Variants in ZNF777 observed in about 807,000 individuals in gnomAD.
ZNF777 encodes the protein zinc finger protein 777.
Under a neutral mutation model 72.1 loss-of-function variants are expected in ZNF777, and 7 were observed. That is an observed-to-expected ratio of 0.10 (90% CI 0.06 to 0.18). ZNF777 has a LOEUF of 0.18. Among genes scored for constraint, ZNF777 ranks in the 10% least tolerant of loss-of-function variants. The probability of loss-of-function intolerance (pLI) is 1.00; values close to 1 mark genes in which losing one functional copy is unlikely to be tolerated. For missense variants in ZNF777, 828 were observed against 1,128.6 expected (o/e 0.73, Z 3.82); for synonymous variants, 545 against 483.5 (o/e 1.13, Z -1.67).
chr7:149,458,296 C>T (rs1799871097), intron 1 of ZNF777, among the ~76,000 whole-genome samples: 1 of 152,204 alleles, frequency 6.6e-6, no homozygotes, highest in Admixed American at 6.5e-5. Context: ...TCTTCATTCC[C>T]TGTGAAGGAA....
At position 149,431,703 on chromosome 7, in the gene ZNF777, G is replaced by T; in HGVS notation, c.*73C>A. On this transcript the variant is annotated 3_prime_UTR_variant, in exon 6 of 6. Transcript: ENST00000247930. The stretch of plus-strand genomic sequence containing the variant: ...GGGGCGCCCCGCCCCCGCCCGCTGG[G>T]CTCGGGCCTGGCGGTGTCCGAGGGG... 1 of 1,177,300 alleles carries T rather than the reference G, an allele frequency of 8.5e-7. No homozygotes were observed. Among genetic ancestry groups the T allele is most frequent in the South Asian group, 1.7e-5 (1 of 58,200 alleles). 72.9% of individuals were successfully genotyped at this position (1,177,300 alleles called of 1,614,324 possible). A position where few individuals can be genotyped will look rare whatever the true frequency, so the allele number is the denominator to read the frequency against.
intron 3 of ZNF777, among the ~76,000 whole-genome samples, chr7:149,453,486 G>A (rs1168785993): frequency 6.6e-6 from 1 of 152,098 alleles, no homozygotes; most frequent in East Asian, 1.9e-4. Context: ...TGTAAGTAAA[G>A]TATATTTTTC....
chr7:149,436,514 C>T lies in ZNF777; in HGVS notation c.1339+61G>A. The stretch of plus-strand genomic sequence containing the variant: ...AAGGAACCACAGCTTTCCCAGGGGG[C>T]AGGGGCCCTCTGGGAGGCCTCATGG... On this transcript the variant is annotated intron_variant, in intron 5 of 5. Coordinates refer to ENST00000247930, the MANE Select transcript of ZNF777 (RefSeq NM_015694.3). This position sits in a 1 kb window ranked among gnomAD's most constrained non-coding sequence, Gnocchi z 5.0. The T allele has an allele frequency of 6.5e-7, 1 of 1,527,274 alleles. No homozygotes were observed. The highest frequency in any genetic ancestry group is 8.8e-7 in the Non-Finnish European group (1 of 1,137,298). The allele number at this position is 1,527,274 out of a possible 1,614,324, so 94.6% of individuals were successfully genotyped here.
intron 4 of ZNF777, among the ~76,000 whole-genome samples, chr7:149,439,032 T>G (rs1799464333): frequency 6.6e-6 from 1 of 152,242 alleles, no homozygotes; most frequent in East Asian, 1.9e-4. Flanking sequence ...CATCCATACC[T>G]CCATCCCCTA....
intron 4 of ZNF777, among the ~76,000 whole-genome samples, chr7:149,448,578 ACTATAT>A (rs1799655144): frequency 2.5e-5 from 1 of 39,964 alleles, no homozygotes; most frequent in Non-Finnish European, 4.3e-5. Context: ...TATACATATA[ACTATAT>A]ATATATATAT....
At chr7:149,437,298 A>T (rs1171294645) in intron 4 of ZNF777, among the ~76,000 whole-genome samples, 2 of 152,012 alleles carry the variant, frequency 1.3e-5, no homozygotes. Context: ...TTTTAAAGAG[A>T]TGCTCATTCC....
At chr7:149,450,369 T>G (rs10952813) in intron 4 of ZNF777, among the ~76,000 whole-genome samples, 19,154 of 152,154 alleles carry the variant, frequency 0.13, 1,452 homozygotes, top group South Asian at 0.32. Flanking sequence ...GGCCCTACGG[T>G]TAGATATTAG....
chr7:149,445,794 G>C (rs1020228684), intron 4 of ZNF777, among the ~76,000 whole-genome samples: 2 of 152,204 alleles, frequency 1.3e-5, no homozygotes, highest in African/African-American at 2.4e-5. Context: ...CTGCAGTAGG[G>C]ACTGAGGGAG....
intron 4 of ZNF777, among the ~76,000 whole-genome samples, chr7:149,442,750 A>G (rs1799545422): frequency 6.6e-6 from 1 of 152,248 alleles, no homozygotes; most frequent in Non-Finnish European, 1.5e-5. Context: ...ATCCAAAAGA[A>G]TAACAACAAA....
At chr7:149,452,935 C>T (rs1229043040) in intron 3 of ZNF777, among the ~76,000 whole-genome samples, 4 of 152,330 alleles carry the variant, frequency 2.6e-5, no homozygotes, top group African/African-American at 7.2e-5. Flanking sequence ...TAACAGTCAA[C>T]CTACTCTTCA....
At chr7:149,456,301 G>C (rs1176860529) in intron 1 of ZNF777, among the ~76,000 whole-genome samples, 1 of 152,222 alleles carries the variant, frequency 6.6e-6, no homozygotes, top group East Asian at 1.9e-4. Context: ...ACATTGCACG[G>C]GTACCTTACG....
Position 149,436,350 on chromosome 7 carries a change from C to T in ZNF777, c.1339+225G>A, listed in dbSNP as rs1250260227. On this transcript the variant is annotated intron_variant, in intron 5 of 5. Transcript: ENST00000247930. This position sits in a 1 kb window ranked among gnomAD's most constrained non-coding sequence, Gnocchi z 5.0. ...GAGCTCTGAGATCCCTTTGCCTGAA[C>T]CAGTCTTTAGATGTAACCACTTCTT... 6.6e-6 allele frequency among the ~76,000 whole-genome samples: 1 copy of T among 152,138 alleles called. No individual in the cohort carries two copies. Among genetic ancestry groups the T allele is most frequent in the Admixed American group, 6.5e-5 (1 of 15,272 alleles).
At chr7:149,446,985 TAGAAATACCCAACA>T (rs1458883388) in intron 4 of ZNF777, among the ~76,000 whole-genome samples, 1 of 152,222 alleles carries the variant, frequency 6.6e-6, no homozygotes, top group African/African-American at 2.4e-5. Flanking sequence ...CATCCTTCTC[TAGAAATACCCAACA>T]AGGCAGTATC....
At chr7:149,457,470 C>T (rs1364878103) in intron 1 of ZNF777, among the ~76,000 whole-genome samples, 1 of 152,130 alleles carries the variant, frequency 6.6e-6, no homozygotes, top group Non-Finnish European at 1.5e-5. Flanking sequence ...TGATAAATGC[C>T]GGCTGAAGAG....
chr7:149,433,490 G>C (rs1000121165), intron 5 of ZNF777, among the ~76,000 whole-genome samples: 1 of 152,194 alleles, frequency 6.6e-6, no homozygotes, highest in African/African-American at 2.4e-5. Context: ...CCTGAACTCT[G>C]CTCAGACCGG....
intron 2 of ZNF777, among the ~76,000 whole-genome samples, chr7:149,454,550 C>A (rs1215151433): frequency 6.6e-6 from 1 of 152,180 alleles, no homozygotes; most frequent in Non-Finnish European, 1.5e-5. Flanking sequence ...CCGGGGAGAT[C>A]CATGTGCACA....
At chr7:149,452,397 G>A (rs1008291460) in intron 3 of ZNF777, among the ~76,000 whole-genome samples, 2 of 152,080 alleles carry the variant, frequency 1.3e-5, no homozygotes, top group Non-Finnish European at 2.9e-5. Context: ...TTGGGAGGCC[G>A]AGGTGGCTGG....
chr7:149,442,641 A>T (rs1176271500), intron 4 of ZNF777, among the ~76,000 whole-genome samples: 1 of 151,928 alleles, frequency 6.6e-6, no homozygotes, highest in Non-Finnish European at 1.5e-5. Flanking sequence ...AAAGTAAACC[A>T]CAAACTAGGA....
chr7:149,446,469 A>T (rs1354615576), intron 4 of ZNF777, among the ~76,000 whole-genome samples: 1 of 152,226 alleles, frequency 6.6e-6, no homozygotes, highest in Non-Finnish European at 1.5e-5. Context: ...GTTTTAAAAA[A>T]TATATTTTTA....
Sources: gnomAD v4.1 joint callset for allele counts (sites outside exome capture counted in the v4.1 genomes callset) on GRCh38, gnomAD v4.1.1 for gene constraint, Gnocchi (gnomAD v3.1) non-coding constraint, MANE v1.5 for transcripts, NCBI Gene and HGNC (gene_info 2026-07-23, HGNC 2026-07-21) for gene names.